PKD2L2: variants seen among roughly 807,000 people sequenced by gnomAD.
PKD2L2 encodes the protein polycystin 2 like 2, transient receptor potential cation channel, also known as polycystin-2-like protein 2.
A neutral mutation model predicts 83.9 loss-of-function variants in PKD2L2; 67 were observed. That is an observed-to-expected ratio of 0.80 (90% CI 0.66 to 0.98). PKD2L2 has a LOEUF of 0.98. Among genes scored for constraint, PKD2L2 ranks in the 50% least tolerant of loss-of-function variants. The pLI, the probability that PKD2L2 is intolerant of heterozygous loss-of-function variation, is 0.00. For missense variants in PKD2L2, 632 were observed against 717.2 expected, an observed-to-expected ratio of 0.88 and a Z score of 1.36; for synonymous variants, 223 against 237.8, an observed-to-expected ratio of 0.94 and a Z score of 0.57.
At chr5:137,930,543 C>T (rs535784851) in intron 12 of PKD2L2, among the ~76,000 whole-genome samples, 62 of 151,664 alleles carry the variant, frequency 4.1e-4, no homozygotes, top group African/African-American at 1.2e-3. Flanking sequence ...TGGTGGCACA[C>T]GCCTATAATC....
intron 8 of PKD2L2, among the ~76,000 whole-genome samples, chr5:137,918,985 TGTAG>T (rs1283179817): frequency 1.3e-5 from 2 of 151,748 alleles, no homozygotes; most frequent in African/African-American, 4.8e-5. Flanking sequence ...TGTGTGTGTG[TGTAG>T]GGAGAGGACC....
intron 9 of PKD2L2, among the ~76,000 whole-genome samples, chr5:137,922,464 G>T (rs147754363): frequency 6.6e-6 from 1 of 152,194 alleles, no homozygotes; most frequent in African/African-American, 2.4e-5. Flanking sequence ...TTGGCTGGAC[G>T]CAGTGGCTCA....
chr5:137,940,054 G>A, intron 14 of PKD2L2: 1 of 1,613,936 alleles, frequency 6.2e-7, no homozygotes, highest in Non-Finnish European at 8.5e-7. Flanking sequence ...TCCCTTGAGA[G>A]GGCCTACTTA....
chr5:137,890,159 TGTA>T, intron 1 of PKD2L2: 1 of 195,518 alleles, frequency 5.1e-6, no homozygotes, highest in Non-Finnish European at 1.0e-5. Context: ...GGCGCGCGCC[TGTA>T]GTCCCAGCTA....
chr5:137,894,345 C>T lies in PKD2L2; in HGVS notation c.268-8C>T, dbSNP rs1756257000. ...TTTTTCCCATGACATTTGTTTTTCT[C>T]TGTGGAGTTTATGGAAGGACCCCTT... is the stretch of plus-strand genomic sequence containing the variant. On this transcript the variant is annotated splice_polypyrimidine_tract_variant and splice_region_variant and intron_variant, in intron 3 of 14. Transcript: ENST00000508883. The T allele has an allele frequency of 1.9e-6, 3 of 1,586,936 alleles. No individual in the cohort carries two copies. The African/African-American group carries it at 4.1e-5, about 21-fold the overall frequency.
At chr5:137,919,154 TTA>T (rs1758661413) in intron 8 of PKD2L2, among the ~76,000 whole-genome samples, 1 of 151,872 alleles carries the variant, frequency 6.6e-6, no homozygotes, top group South Asian at 2.1e-4. Flanking sequence ...AAACATACTT[TTA>T]GTTATTTTAA....
chr5:137,939,864 G>A, intron 14 of PKD2L2: 1 of 1,322,860 alleles, frequency 7.6e-7, no homozygotes, highest in Non-Finnish European at 9.6e-7. Context: ...CTTCAGTAAT[G>A]AGAAACAAAA....
intron 8 of PKD2L2, among the ~76,000 whole-genome samples, chr5:137,917,611 ATT>A (rs779248469): frequency 6.6e-6 from 1 of 151,292 alleles, no homozygotes; most frequent in Non-Finnish European, 1.5e-5. Context: ...TCCATCTTAT[ATT>A]TTTTTGTTTC....
chr5:137,894,630 C>G (rs1444433496), intron 4 of PKD2L2, 21 bp downstream of exon 4: 1 of 1,574,914 alleles, frequency 6.3e-7, no homozygotes, highest in East Asian at 2.2e-5. Context: ...TAAAATTATA[C>G]TGTAACTTTT....
chr5:137,893,199 C>A (rs1158447313), intron 3 of PKD2L2, among the ~76,000 whole-genome samples: 2 of 152,048 alleles, frequency 1.3e-5, no homozygotes, highest in Non-Finnish European at 2.9e-5. Context: ...TTAAAAATTT[C>A]TTTAATTGCC....
rs559141369 is a variant in PKD2L2 at position 137,937,438 on chromosome 5, T to C, written c.*17+1011T>C. On this transcript the variant is annotated intron_variant, in intron 14 of 14. Coordinates refer to ENST00000508883, the MANE Select transcript of PKD2L2 (RefSeq NM_001300921.2). ...TGCTGTAACAGCCTTATTTGGAGGG[T>C]TGGAAAGTTGTGTGTGGCTGGCATT... is the stretch of plus-strand genomic sequence containing the variant. Among the ~76,000 whole-genome samples the C allele has an allele frequency of 1.9e-4, 29 of 152,306 alleles. No homozygotes were observed. The Middle Eastern group carries it at 0.01, about 54-fold the overall frequency.
intron 5 of PKD2L2, among the ~76,000 whole-genome samples, chr5:137,903,779 AT>A (rs1757149254): frequency 6.6e-6 from 1 of 152,084 alleles, no homozygotes; most frequent in Non-Finnish European, 1.5e-5. Context: ...AATTTTTGAG[AT>A]GGAGTCTAGC....
chr5:137,907,419 A>C (rs1464641677), intron 6 of PKD2L2, among the ~76,000 whole-genome samples: 1 of 152,232 alleles, frequency 6.6e-6, no homozygotes, highest in Non-Finnish European at 1.5e-5. Flanking sequence ...TTTAGCTTTT[A>C]AGTATTATGT....
intron 8 of PKD2L2, among the ~76,000 whole-genome samples, chr5:137,911,296 G>T (rs36120993): frequency 9.1e-4 from 139 of 152,140 alleles, no homozygotes; most frequent in African/African-American, 3.1e-3. Flanking sequence ...GCATGTAGTC[G>T]GAATTTCCTT....
At chr5:137,916,494 T>TG (rs2150036027) in intron 8 of PKD2L2, among the ~76,000 whole-genome samples, 1 of 147,924 alleles carries the variant, frequency 6.8e-6, no homozygotes, top group African/African-American at 2.5e-5. Flanking sequence ...TTTTTTTTTT[T>TG]TTTGAGACAG....
chr5:137,938,418 T>C (rs1244236684), intron 14 of PKD2L2: 2 of 152,614 alleles, frequency 1.3e-5, no homozygotes, highest in African/African-American at 4.8e-5. Flanking sequence ...CACATAAAAT[T>C]AGATGTTTGG....
rs1054375892 is a variant in PKD2L2, at chr5:137,907,894, C to G, written c.1128C>G (p.Ile376Met). Residue 376 changes from isoleucine (I) to methionine (M), a missense_variant, in exon 7 of 15, where the codon ATC becomes ATG. Physicochemically the swap from Ile to Met is conservative, Grantham distance 10. Around this residue, in one of 3 missense-constraint regions of PKD2L2, gnomAD observed 399 missense variants for 416.9 expected, o/e 0.96. Transcript: ENST00000508883. ...IYYNNIIAIT[I>M]FFAWIKIFKF... ...ACAATAATATAATTGCTATTACCAT[C>G]TTTTTTGCATGGATAAAGGTATTTA... The G allele has an allele frequency of 7.1e-7, 1 of 1,409,760 alleles. No homozygotes were observed. The highest frequency in any genetic ancestry group is 1.4e-5 in the African/African-American group (1 of 70,530). The allele number at this position is 1,409,760 out of a possible 1,614,324, so 87.3% of individuals were successfully genotyped here. A position where few individuals can be genotyped will look rare whatever the true frequency, so the allele number is the denominator to read the frequency against.
chr5:137,922,701 G>A (rs1759022901), intron 9 of PKD2L2, among the ~76,000 whole-genome samples: 1 of 151,960 alleles, frequency 6.6e-6, no homozygotes, highest in African/African-American at 2.4e-5. Flanking sequence ...TCGCACAACT[G>A]CACTCCAGCC....
chr5:137,915,134 G>A (rs990935720), intron 8 of PKD2L2, among the ~76,000 whole-genome samples: 8 of 152,120 alleles, frequency 5.3e-5, no homozygotes, highest in Non-Finnish European at 7.4e-5. Flanking sequence ...TGATAGCCAC[G>A]TAAAATGAGT....
Sources: allele counts gnomAD v4.1 joint callset (sites outside exome capture counted in the v4.1 genomes callset), GRCh38; gene constraint gnomAD v4.1.1; regional missense constraint gnomAD v4.1.1; transcripts MANE v1.5; gene names NCBI Gene and HGNC (gene_info 2026-07-23, HGNC 2026-07-21).